SWT1: variants seen among roughly 807,000 people sequenced by gnomAD.
SWT1 encodes the protein transcriptional protein SWT1.
Under a neutral mutation model 107.3 loss-of-function variants are expected in SWT1, and 33 were observed. That is an observed-to-expected ratio of 0.31 (90% confidence interval 0.23 to 0.41). The LOEUF (loss-of-function observed/expected upper bound fraction) is 0.41, where lower values mean the gene tolerates loss of function less well. SWT1 is among the 10% of genes least tolerant of loss of function. The pLI, the probability that SWT1 is intolerant of heterozygous loss-of-function variation, is 1.00. For synonymous variants in SWT1, 345 were observed against 348.3 expected (o/e 0.99, Z 0.11); for missense variants, 898 against 1,028.9 (o/e 0.87, Z 1.74).
At chr1:185,265,318 G>A (rs2102707538) in intron 16 of SWT1, among the ~76,000 whole-genome samples, 1 of 151,974 alleles carries the variant, frequency 6.6e-6, no homozygotes, top group East Asian at 1.9e-4. Flanking sequence ...TAGGACTGAT[G>A]GCTAGCTCTC....
At chr1:185,205,926 A>G (rs1658297597) in intron 12 of SWT1, among the ~76,000 whole-genome samples, 1 of 152,276 alleles carries the variant, frequency 6.6e-6, no homozygotes, top group East Asian at 1.9e-4. Context: ...TTTAATAGGC[A>G]TGTCTTTGCA....
intron 18 of SWT1, among the ~76,000 whole-genome samples, chr1:185,283,237 C>T (rs1299605128): frequency 1.3e-5 from 2 of 152,152 alleles, no homozygotes; most frequent in African/African-American, 2.4e-5. Flanking sequence ...TTCCATAAGA[C>T]ACAGAAGAAC....
At chr1:185,262,939 C>T (rs140967732) in intron 16 of SWT1, among the ~76,000 whole-genome samples, 81 of 152,060 alleles carry the variant, frequency 5.3e-4, no homozygotes, top group African/African-American at 1.9e-3. Flanking sequence ...AGGCGTGTGC[C>T]GTCATCCTGG....
At chr1:185,175,867 T>C (rs1014076170) in intron 5 of SWT1, among the ~76,000 whole-genome samples, 1 of 152,222 alleles carries the variant, frequency 6.6e-6, no homozygotes, top group Non-Finnish European at 1.5e-5. Flanking sequence ...CAGGGACTTA[T>C]TCAAGTGAAG....
At chr1:185,176,482 C>T in intron 5 of SWT1, 3 of 823,152 alleles carry the variant, frequency 3.6e-6, no homozygotes, top group African/African-American at 3.7e-5. Context: ...ATCTATTTTG[C>T]TTTAAAATTA....
At chr1:185,168,286 GA>G in intron 3 of SWT1, 53 bp from the exon 4 acceptor site, 31 of 1,115,422 alleles carry the variant, frequency 2.8e-5, no homozygotes, top group Admixed American at 1.1e-4. Context: ...ATAAACTGTG[GA>G]AAAAAATATG....
chr1:185,276,825 A>G (rs1401574182), intron 18 of SWT1, among the ~76,000 whole-genome samples, 157 bp downstream of exon 18: 5 of 152,080 alleles, frequency 3.3e-5, no homozygotes, highest in Admixed American at 6.6e-5. Flanking sequence ...CCTATATACA[A>G]AAAGGTCATG....
intron 10 of SWT1, among the ~76,000 whole-genome samples, chr1:185,198,961 C>T (rs537250609): frequency 2.1e-4 from 30 of 140,992 alleles, no homozygotes; most frequent in African/African-American, 6.8e-4. Context: ...TTTTTTGAGA[C>T]GAGTCTCGCT....
intron 16 of SWT1, among the ~76,000 whole-genome samples, chr1:185,260,935 C>T (rs951305697): frequency 6.6e-6 from 1 of 152,076 alleles, no homozygotes; most frequent in Admixed American, 6.5e-5. Flanking sequence ...TCTTTGGTTC[C>T]TCAAAAACCT....
intron 18 of SWT1, among the ~76,000 whole-genome samples, chr1:185,277,572 G>C (rs1571695760): frequency 6.6e-6 from 1 of 152,156 alleles, no homozygotes. Flanking sequence ...TTACAGGCTT[G>C]AGCCACCGCA....
At chr1:185,176,866 C>T in intron 5 of SWT1, 2 of 393,464 alleles carry the variant, frequency 5.1e-6, no homozygotes, top group Non-Finnish European at 6.9e-6. Context: ...CACCTGTAGT[C>T]CCAGCTACTT....
intron 14 of SWT1, among the ~76,000 whole-genome samples, chr1:185,217,716 C>T (rs1372467978): frequency 1.3e-5 from 2 of 152,156 alleles, no homozygotes; most frequent in African/African-American, 4.8e-5. Context: ...CTGCCTCAGC[C>T]TCCCAAGTAG....
intron 2 of SWT1, among the ~76,000 whole-genome samples, chr1:185,162,927 A>C (rs1412687506): frequency 6.6e-6 from 1 of 151,944 alleles, no homozygotes; most frequent in East Asian, 1.9e-4. Flanking sequence ...GCCACTGCAC[A>C]TCAGCCTGAG....
chr1:185,228,688 C>T (rs138521651), intron 15 of SWT1, among the ~76,000 whole-genome samples: 9 of 151,906 alleles, frequency 5.9e-5, no homozygotes, highest in African/African-American at 1.9e-4. Context: ...TTGATCATGA[C>T]GCCTTAAGAG....
chr1:185,261,523 T>C (rs1663012852), intron 16 of SWT1, among the ~76,000 whole-genome samples: 1 of 152,128 alleles, frequency 6.6e-6, no homozygotes, highest in Admixed American at 6.5e-5. Context: ...TAGCCAGAAG[T>C]ACACTGGACC....
At chr1:185,256,189 C>A (rs1169847331) in intron 16 of SWT1, among the ~76,000 whole-genome samples, 6 of 151,734 alleles carry the variant, frequency 4.0e-5, no homozygotes, top group South Asian at 2.1e-4. Context: ...GGTAACCCGA[C>A]CTTTCTCTCT....
Position 185,160,904 on chromosome 1 carries a change from A to G in SWT1, c.63A>G (p.Ser21=), listed in dbSNP as rs566299888. The change falls in exon 2 of 19, where the codon TCA becomes TCG. Residue 21 remains serine (S), a synonymous_variant. Transcript: ENST00000367500. ...ETSQRKDTTT[S]SPNFGEKDKK... Reference sequence around the variant, plus strand: ...CTCAGAGGAAAGACACCACCACCTCATCACCCAATTTTGGTGAAAAAGTAA... The same window carrying G: ...CTCAGAGGAAAGACACCACCACCTCGTCACCCAATTTTGGTGAAAAAGTAA... The G allele has an allele frequency of 1.6e-5, 26 of 1,612,158 alleles. No individual in the cohort carries two copies. The highest frequency in any genetic ancestry group is 2.0e-5 in the Non-Finnish European group (24 of 1,179,060).
chr1:185,170,412 A>C (rs1361134303), intron 4 of SWT1, among the ~76,000 whole-genome samples: 2 of 152,232 alleles, frequency 1.3e-5, no homozygotes, highest in South Asian at 2.1e-4. Flanking sequence ...ATGACTTCTG[A>C]CATTAAATCC....
At chr1:185,290,563 AAT>A (rs937961616) in intron 18 of SWT1, 109 bp from the exon 19 acceptor site, 93 of 674,762 alleles carry the variant, frequency 1.4e-4, no homozygotes, top group Non-Finnish European at 1.3e-4. Flanking sequence ...TGTTATACAT[AAT>A]ATATATATAT....
Sources: allele counts gnomAD v4.1 joint callset (sites outside exome capture counted in the v4.1 genomes callset), GRCh38; gene constraint gnomAD v4.1.1; transcripts MANE v1.5; gene names NCBI Gene and HGNC (gene_info 2026-07-23, HGNC 2026-07-21).